Variants in BRD4 observed in about 807,000 individuals in gnomAD.
BRD4 encodes the protein bromodomain containing 4.
Under a neutral mutation model 142.1 loss-of-function variants are expected in BRD4, and 16 were observed. The ratio of observed to expected loss-of-function variants is 0.11; its 90% CI spans 0.08 to 0.17. The LOEUF is 0.17. Ranked by LOEUF, BRD4 falls within the 10% of genes least tolerant of loss-of-function variation. The pLI, the probability that BRD4 is intolerant of heterozygous loss-of-function variation, is 1.00. For missense variants in BRD4, 1,424 were observed against 1,810.9 expected (o/e 0.79, Z 3.88); for synonymous variants, 833 against 707.5 (o/e 1.18, Z -2.82).
At chr19:15,300,065 G>C (rs544760073) in intron 1 of BRD4, among the ~76,000 whole-genome samples, 110 of 152,026 alleles carry the variant, frequency 7.2e-4, no homozygotes, top group Admixed American at 1.9e-3. Flanking sequence ...ACAACATAGT[G>C]AAACTCCACC....
At chr19:15,251,202 T>C (rs1404152359) in intron 11 of BRD4, among the ~76,000 whole-genome samples, 1 of 151,966 alleles carries the variant, frequency 6.6e-6, no homozygotes, top group Non-Finnish European at 1.5e-5. Flanking sequence ...AACTAGAGCC[T>C]GGCCCCAGAG....
At chr19:15,316,253 G>A (rs541863818) in intron 1 of BRD4, among the ~76,000 whole-genome samples, 1 of 150,982 alleles carries the variant, frequency 6.6e-6, no homozygotes, top group East Asian at 1.9e-4. Context: ...TGGGGCACCT[G>A]GACTAAAGAC....
At position 15,239,352 on chromosome 19, in the gene BRD4, G is replaced by A; in HGVS notation, c.3576+40C>T. 1 of 1,614,124 alleles carries A rather than the reference G, an allele frequency of 6.2e-7. No homozygotes were observed. The highest frequency in any genetic ancestry group is 8.5e-7 in the Non-Finnish European group (1 of 1,180,032). The stretch of plus-strand genomic sequence containing the variant: ...GTGTGCCCAGCATGGCACCTTCCAG[G>A]GCCAAGGGGCAAGCGACACCCATGG... On this transcript the variant is annotated intron_variant, in intron 17 of 19. Coordinates refer to ENST00000679869, the MANE Select transcript of BRD4 (RefSeq NM_001379291.1). This position sits in a 1 kb window ranked among gnomAD's most constrained non-coding sequence, Gnocchi z 7.4.
rs752009541 is a variant in BRD4 at position 15,239,017 on chromosome 19, T to C, written c.3783-37A>G. On this transcript the variant is annotated intron_variant, in intron 18 of 19. Coordinates refer to ENST00000679869, the MANE Select transcript of BRD4 (RefSeq NM_001379291.1). The surrounding 1 kb of genome is among the most constrained non-coding windows in gnomAD (Gnocchi z 7.4). The stretch of plus-strand genomic sequence containing the variant: ...GTCCCAGTCAGCCTGGGGACTGGTG[T>C]GGCCCCAAGAGTCCCCATGCCCCAC... The C allele has an allele frequency of 1.9e-6, 3 of 1,576,628 alleles. No homozygotes were observed. The highest frequency in any genetic ancestry group is 2.3e-5 in the East Asian group (1 of 44,266).
At chr19:15,263,628 T>C (rs1347178011) in intron 6 of BRD4, 80 bp from the exon 7 acceptor site, 2 of 1,571,438 alleles carry the variant, frequency 1.3e-6, no homozygotes, top group East Asian at 4.5e-5. Context: ...ACGAAAGGGA[T>C]GCCTAGAAGA....
chr19:15,293,602 A>G (rs1400209081), intron 1 of BRD4, among the ~76,000 whole-genome samples: 14 of 152,340 alleles, frequency 9.2e-5, no homozygotes, highest in Middle Eastern at 3.4e-3. Context: ...GGTGTCCCCA[A>G]GCTAGCGACC....
chr19:15,325,751 C>G (rs533698201), intron 1 of BRD4, among the ~76,000 whole-genome samples: 2 of 152,072 alleles, frequency 1.3e-5, no homozygotes, highest in African/African-American at 4.8e-5. Flanking sequence ...ATAATCCCAC[C>G]ACTTTGGGAG....
At chr19:15,251,374 G>C (rs1460750148) in intron 11 of BRD4, among the ~76,000 whole-genome samples, 1 of 126,706 alleles carries the variant, frequency 7.9e-6, no homozygotes, top group East Asian at 2.5e-4. Context: ...TAACCCCGTA[G>C]TATAAGTGAC....
At position 15,256,198 on chromosome 19, in the gene BRD4, C is replaced by T. The variant is rs754138713; in HGVS notation, c.1617G>A (p.Lys539=). Residue 539 remains lysine, a synonymous_variant, in exon 9 of 20, where the codon AAG becomes AAA. Coordinates refer to ENST00000679869, the MANE Select transcript of BRD4 (RefSeq NM_001379291.1). ...SQPQQNKPKK[K]EKDKKEKKKE... ...TTTTCTTTTCCTTCTTGTCTTTCTC[C>T]TTTTTCTTTGGTTTGTTCTGCTGGG... The T allele has an allele frequency of 1.5e-5, 24 of 1,613,178 alleles. No individual in the cohort carries two copies. In the East Asian group the frequency reaches 5.3e-4, roughly 36 times the overall value.
At chr19:15,254,722 G>C (rs907869865) in intron 10 of BRD4, among the ~76,000 whole-genome samples, 11 of 152,144 alleles carry the variant, frequency 7.2e-5, no homozygotes, top group African/African-American at 1.2e-4. Context: ...TCATCATGTG[G>C]TGTGCCCCAG....
Position 15,237,086 on chromosome 19 carries a change from AGT to A in BRD4, c.*1289_*1290del, listed in dbSNP as rs1491123691. On this transcript the variant is annotated 3_prime_UTR_variant, in exon 20 of 20. Transcript: ENST00000679869. ...GTTGGGGCTGGGCGCCAGGTAGGGGAGTCTCTGCCTTAGTCTGTGGCGCCCCC... is the reference window on the plus strand; with the variant it reads ...GTTGGGGCTGGGCGCCAGGTAGGGGACTCTGCCTTAGTCTGTGGCGCCCCC... 4.9e-6 allele frequency: 1 copy of A among 202,096 alleles called. No individual in the cohort carries two copies. Among genetic ancestry groups the A allele is most frequent in the Non-Finnish European group, 1.0e-5 (1 of 100,268 alleles). The allele number at this position is 202,096 out of a possible 1,614,324, so 12.5% of individuals were successfully genotyped here.
At position 15,242,735 on chromosome 19, in the gene BRD4, A is replaced by T. The variant is rs548034214; in HGVS notation, c.3169+165T>A. ...AGCAAGAGAGACACCTGATAAACAC[A>T]CACTGTAGGAAGCACCAATGACCCT... On this transcript the variant is annotated intron_variant, in intron 14 of 19. Coordinates refer to ENST00000679869, the MANE Select transcript of BRD4 (RefSeq NM_001379291.1). 2.0e-5 allele frequency among the ~76,000 whole-genome samples: 3 copies of T among 152,198 alleles called. No homozygotes were observed. The South Asian group carries it at 6.2e-4, about 32-fold the overall frequency.
Position 15,237,522 on chromosome 19 carries a change from G to A in BRD4, c.*855C>T, listed in dbSNP as rs1293274069. ...AGCGCGGTGGCAGCCGCTGCTCAAT[G>A]AGGAGACGATCACACCATTTCGGAG... is the stretch of plus-strand genomic sequence containing the variant. On this transcript the variant is annotated 3_prime_UTR_variant, in exon 20 of 20. Coordinates refer to ENST00000679869, the MANE Select transcript of BRD4 (RefSeq NM_001379291.1). 3 of 225,382 alleles carry A rather than the reference G, an allele frequency of 1.3e-5. No homozygotes were observed. Among genetic ancestry groups the A allele is most frequent in the African/African-American group, 4.5e-5 (2 of 44,720 alleles). 14.0% of individuals were successfully genotyped at this position (225,382 alleles called of 1,614,324 possible).
intron 7 of BRD4, among the ~76,000 whole-genome samples, chr19:15,262,535 A>G (rs903996105): frequency 1.4e-5 from 2 of 141,514 alleles, no homozygotes; most frequent in African/African-American, 5.8e-5. Context: ...AAAAAAAAAA[A>G]AAAAAAAGAA....
At chr19:15,247,593 T>A (rs944330422) in intron 11 of BRD4, 37 of 232,892 alleles carry the variant, frequency 1.6e-4, no homozygotes, top group Non-Finnish European at 2.5e-5. Flanking sequence ...GGGGGCAGCA[T>A]GCAGGCCCGA....
intron 1 of BRD4, among the ~76,000 whole-genome samples, chr19:15,292,140 A>C (rs2047786657): frequency 6.6e-6 from 1 of 152,220 alleles, no homozygotes; most frequent in Non-Finnish European, 1.5e-5. Flanking sequence ...TTAATTGGGA[A>C]AGCAAGCCAA....
In BRD4 at chr19:15,238,210, C is replaced by A; in HGVS notation, c.*167G>T. 1.8e-6 allele frequency: 2 copies of A among 1,108,846 alleles called. No homozygotes were observed. The highest frequency in any genetic ancestry group is 2.5e-6 in the Non-Finnish European group (2 of 788,256). The allele number at this position is 1,108,846 out of a possible 1,614,324, so 68.7% of individuals were successfully genotyped here. ...TCCGACTGGCCGTAAGGCAGACAGG[C>A]TCTGCAATCCTCAGCTGCCCGTCAG... On this transcript the variant is annotated 3_prime_UTR_variant, in exon 20 of 20. Coordinates refer to ENST00000679869, the MANE Select transcript of BRD4 (RefSeq NM_001379291.1). The surrounding 1 kb of genome is among the most constrained non-coding windows in gnomAD (Gnocchi z 7.2).
intron 1 of BRD4, among the ~76,000 whole-genome samples, chr19:15,288,575 C>A (rs577476115): frequency 6.6e-6 from 1 of 152,352 alleles, no homozygotes; most frequent in Non-Finnish European, 1.5e-5. Flanking sequence ...CCTCCGCTGG[C>A]TTCTCCTGCT....
chr19:15,253,506 G>T, intron 11 of BRD4: 2 of 1,493,536 alleles, frequency 1.3e-6, no homozygotes, highest in East Asian at 4.9e-5. Flanking sequence ...CTGTTAGTTA[G>T]AACTGCAGGA....
Sources: gnomAD v4.1 joint callset for allele counts (sites outside exome capture counted in the v4.1 genomes callset) on GRCh38, gnomAD v4.1.1 for gene constraint, Gnocchi (gnomAD v3.1) non-coding constraint, MANE v1.5 for transcripts, NCBI Gene and HGNC (gene_info 2026-07-23, HGNC 2026-07-21) for gene names.